The following FLG variants were observed in gnomAD, a reference collection of about 807,000 sequenced individuals.
FLG encodes epidermal filaggrin.
Under a neutral mutation model 3.8 loss-of-function variants are expected in FLG, and 6 were observed. The ratio of observed to expected loss-of-function variants is 1.60; its 90% CI spans 0.87 to 3.15. FLG has a LOEUF of 3.15. Among genes scored for constraint, FLG ranks in the 30% most tolerant of loss-of-function variants. The pLI, the probability that FLG is intolerant of heterozygous loss-of-function variation, is 0.00. For missense variants in FLG, 7,595 were observed against 5,050.9 expected (o/e 1.50, Z -15.27); for synonymous variants, 2,551 against 1,931.6 (o/e 1.32, Z -8.41).
rs778398636 is a variant in FLG at position 152,307,294 on chromosome 1, C to A, written c.7592G>T (p.Gly2531Val). ...AGAGGAAGCTTCATGGTGACGCGAC[C>A]CTGAGTGCCTGGAGCCGTCTCCTGA... ...EQSGDGSRHSGSRHHEASSRA... is the reference protein window; with the variant it reads ...EQSGDGSRHSVSRHHEASSRA... The change falls in exon 3 of 3, where the codon GGG becomes GTG. Residue 2531 changes from glycine (G) to valine (V), a missense_variant. By Grantham distance (109) the Gly-to-Val change is moderately radical (BLOSUM62 -3). Transcript: ENST00000368799. The A allele has an allele frequency of 2.5e-6, 4 of 1,613,262 alleles. No homozygotes were observed. The highest frequency in any genetic ancestry group is 1.6e-4 in the Middle Eastern group (1 of 6,062).
rs1421247871 is a variant in FLG at position 152,314,133 on chromosome 1, T to C, written c.753A>G (p.Leu251=). 12 of 1,614,070 alleles carry C rather than the reference T, an allele frequency of 7.4e-6. No homozygotes were observed. Among genetic ancestry groups the C allele is most frequent in the African/African-American group, 1.3e-5 (1 of 74,936 alleles). ...DEAYDTTDSL[L]EENKIYERSR... is the part of the protein sequence containing the mutation. ...ATCTTTCATATATTTTGTTTTCTTC[T>C]AATAGACTATCAGTGGTGTCATAGG... Residue 251 remains leucine, a synonymous_variant, in exon 3 of 3, where the codon TTA becomes TTG. Transcript: ENST00000368799.
At position 152,311,334 on chromosome 1, in the gene FLG, C is replaced by T. The variant is rs142634333; in HGVS notation, c.3552G>A (p.Ser1184=). Residue 1184 remains serine (S), a synonymous_variant, in exon 3 of 3, where the codon TCG becomes TCA. Transcript: ENST00000368799. ...GGRQGSHHEQ[S]VDRSGHSGSH... ...ACCCTGAGTGTCCAGATCTATCTAC[C>T]GATTGCTCATGGTGGGATCCCTGCC... The T allele has an allele frequency of 3.7e-5, 60 of 1,613,602 alleles. No individual in the cohort carries two copies. Among genetic ancestry groups the T allele is most frequent in the African/African-American group, 1.2e-4 (9 of 74,746 alleles).
chr1:152,310,436 C>A lies in FLG; in HGVS notation c.4450G>T (p.Asp1484Tyr), dbSNP rs1251272412. 6.8e-6 allele frequency: 11 copies of A among 1,613,360 alleles called. No homozygotes were observed. Among genetic ancestry groups the A allele is most frequent in the African/African-American group, 2.7e-5 (2 of 74,714 alleles). The change falls in exon 3 of 3, where the codon GAC becomes TAC. Residue 1484 changes from aspartate to tyrosine, a missense_variant. Physicochemically the swap from Asp to Tyr is radical, Grantham distance 160 (BLOSUM62 -3). Transcript: ENST00000368799. ...RNSSRHSASQDGQDTIRGHPG... is the reference protein window; with the variant it reads ...RNSSRHSASQYGQDTIRGHPG... ...TGTCCACGAATGGTGTCCTGACCGT[C>A]TTGGGATGCTGAGTGCCTAGAGCTG...
In FLG at chr1:152,311,659, C is replaced by T. The variant is rs776330929; in HGVS notation, c.3227G>A (p.Gly1076Glu). The change falls in exon 3 of 3, where the codon GGA becomes GAA. Residue 1076 changes from glycine to glutamate, a missense_variant. Physicochemically the swap from Gly to Glu is moderately conservative, Grantham distance 98. Coordinates refer to ENST00000368799, the MANE Select transcript of FLG (RefSeq NM_002016.2). ...CTGTGTGTCTGACTCCTCTGAATGT[C>T]CCTCACTATCACTGGCCTGACTACC... ...SSGSQASDSE[G>E]HSEESDTQSV... is the part of the protein sequence containing the mutation. 5.6e-6 allele frequency: 9 copies of T among 1,614,162 alleles called. No individual in the cohort carries two copies. The Admixed American group carries it at 8.3e-5, about 15-fold the overall frequency.
At position 152,307,951 on chromosome 1, in the gene FLG, C is replaced by T; in HGVS notation, c.6935G>A (p.Gly2312Asp). The stretch of plus-strand genomic sequence containing the variant: ...TTCATGGGATGATGCAGCCTGTCCA[C>T]CAGAGGAATTCTCTGCATGATGAGT... ...SGTHHAENSS[G>D]GQAASSHEQA... Residue 2312 changes from glycine (G) to aspartate (D), a missense_variant, in exon 3 of 3, where the codon GGT (glycine) becomes GAT (aspartate). Coordinates refer to ENST00000368799, the MANE Select transcript of FLG (RefSeq NM_002016.2). The T allele has an allele frequency of 6.2e-7, 1 of 1,614,124 alleles. No individual in the cohort carries two copies. Among genetic ancestry groups the T allele is most frequent in the Non-Finnish European group, 8.5e-7 (1 of 1,180,040 alleles).
In FLG at chr1:152,303,618, G is replaced by A. The variant is rs1651738017; in HGVS notation, c.11268C>T (p.Asp3756=). 1 of 1,613,856 alleles carries A rather than the reference G, an allele frequency of 6.2e-7. No homozygotes were observed. The highest frequency in any genetic ancestry group is 2.2e-5 in the East Asian group (1 of 44,856). ...TTGACCCCGGGTGTCCACGAATGGT[G>A]TCCTGACCCTCTTGGGACGCTGAGT... The part of the protein sequence containing the change: ...SRHSASQEGQ[D]TIRGHPGSRR... The change falls in exon 3 of 3, where the codon GAC becomes GAT. Residue 3756 remains aspartate, a synonymous_variant. Transcript: ENST00000368799.
chr1:152,311,185 C>T lies in FLG; in HGVS notation c.3701G>A (p.Gly1234Glu), dbSNP rs745887774. ...AGAGGCAGCTTCATGGTGACGTGAC[C>T]CTGAGTGCCTGGAGCCGTCTCCTGA... ...KQSGDGSRHS[G>E]SRHHEAASWA... Residue 1234 changes from glycine (G) to glutamate (E), a missense_variant, in exon 3 of 3, where the codon GGG becomes GAG. Physicochemically the swap from Gly to Glu is moderately conservative, Grantham distance 98. Coordinates refer to ENST00000368799, the MANE Select transcript of FLG (RefSeq NM_002016.2). 1 of 1,613,646 alleles carries T rather than the reference C, an allele frequency of 6.2e-7. No homozygotes were observed. The highest frequency in any genetic ancestry group is 1.7e-5 in the Admixed American group (1 of 59,978).
In FLG at chr1:152,309,320, G is replaced by T. The variant is rs144236267; in HGVS notation, c.5566C>A (p.Arg1856Ser). Residue 1856 changes from arginine (R) to serine (S), a missense_variant, in exon 3 of 3, where the codon CGT (arginine) becomes AGT (serine). Arg to Ser is a moderately radical substitution (Grantham distance 110). Coordinates refer to ENST00000368799, the MANE Select transcript of FLG (RefSeq NM_002016.2). Reference protein sequence around the residue: ...TTSQERSDVSRGQSGSRSVSR... With the variant: ...TTSQERSDVSSGQSGSRSVSR... Reference sequence around the variant, plus strand: ...ACACTTCTGGATCCTGACTGCCCACGGGAGACATCAGACCTTTCCTGGGAC... The same window carrying T: ...ACACTTCTGGATCCTGACTGCCCACTGGAGACATCAGACCTTTCCTGGGAC... The T allele has an allele frequency of 2.5e-6, 4 of 1,613,828 alleles. No individual in the cohort carries two copies. Among genetic ancestry groups the T allele is most frequent in the African/African-American group, 1.3e-5 (1 of 74,912 alleles).
chr1:152,311,179 C>T lies in FLG; in HGVS notation c.3707G>A (p.Arg1236His), dbSNP rs201976711. 1.3e-4 allele frequency: 205 copies of T among 1,613,618 alleles called. No individual in the cohort carries two copies. The highest frequency in any genetic ancestry group is 3.3e-4 in the African/African-American group (25 of 74,776). ...SGDGSRHSGS[R>H]HHEAASWADS... Reference sequence around the variant, plus strand: ...AGCCCAAGAGGCAGCTTCATGGTGACGTGACCCTGAGTGCCTGGAGCCGTC... The same window carrying T: ...AGCCCAAGAGGCAGCTTCATGGTGATGTGACCCTGAGTGCCTGGAGCCGTC... Residue 1236 changes from arginine (R) to histidine (H), a missense_variant, in exon 3 of 3, where the codon CGT (arginine) becomes CAT (histidine). Physicochemically the swap from Arg to His is conservative, Grantham distance 29. Coordinates refer to ENST00000368799, the MANE Select transcript of FLG (RefSeq NM_002016.2).
At position 152,303,786 on chromosome 1, in the gene FLG, T is replaced by A; in HGVS notation, c.11100A>T (p.Ser3700=). ...ACCCTGAACGTCCAGACCTTCCTGC[T>A]GACCGGCCACGTGTGGACTCTTGGT... ...QSHQESTRGR[S]AGRSGRSGSF... is the part of the protein sequence containing the mutation. Residue 3700 remains serine (S), a synonymous_variant, in exon 3 of 3, where the codon TCA becomes TCT. Coordinates refer to ENST00000368799, the MANE Select transcript of FLG (RefSeq NM_002016.2). 6.2e-7 allele frequency: 1 copy of A among 1,613,640 alleles called. No homozygotes were observed. The highest frequency in any genetic ancestry group is 1.1e-5 in the South Asian group (1 of 90,998).
At position 152,310,763 on chromosome 1, in the gene FLG, G is replaced by A. The variant is rs772994159; in HGVS notation, c.4123C>T (p.His1375Tyr). 4 of 1,613,956 alleles carry A rather than the reference G, an allele frequency of 2.5e-6. No individual in the cohort carries two copies. The highest frequency in any genetic ancestry group is 1.7e-4 in the Middle Eastern group (1 of 6,060). ...CTGACTGCAGATGAAGCTTGTCTGTGCCCAATGCCTGAGTGTCTGGAGCTG... is the reference window on the plus strand; with the variant it reads ...CTGACTGCAGATGAAGCTTGTCTGTACCCAATGCCTGAGTGTCTGGAGCTG... ...ADSSRHSGIG[H>Y]RQASSAVRDS... The change falls in exon 3 of 3, where the codon CAC becomes TAC. Residue 1375 changes from histidine (H) to tyrosine (Y), a missense_variant. By Grantham distance (83) the His-to-Tyr change is moderately conservative (BLOSUM62 2). Coordinates refer to ENST00000368799, the MANE Select transcript of FLG (RefSeq NM_002016.2).
chr1:152,309,879 G>A lies in FLG; in HGVS notation c.5007C>T (p.Ser1669=). Residue 1669 remains serine (S), a synonymous_variant, in exon 3 of 3, where the codon TCC becomes TCT. Transcript: ENST00000368799. The part of the protein sequence containing the change: ...ETSSGGQAAS[S]QEQARSSPGE... ...CTGGACTTGACCTTGCCTGTTCCTG[G>A]GATGATGCAGCCTGTCCACCAGAGG... is the stretch of plus-strand genomic sequence containing the variant. The A allele has an allele frequency of 3.7e-6, 6 of 1,613,972 alleles. No individual in the cohort carries two copies. Among genetic ancestry groups the A allele is most frequent in the Non-Finnish European group, 5.1e-6 (6 of 1,179,996 alleles).
chr1:152,303,040 C>A lies in FLG; in HGVS notation c.11846G>T (p.Ser3949Ile), dbSNP rs1470596800. The A allele has an allele frequency of 3.1e-6, 5 of 1,614,182 alleles. No homozygotes were observed. Among genetic ancestry groups the A allele is most frequent in the Non-Finnish European group, 4.2e-6 (5 of 1,180,038 alleles). The part of the protein sequence containing the change: ...AYHSGIQSRG[S>I]PHSSSSYHYQ... ...ATGATAAGAACTAGAACTGTGAGGA[C>A]TGCCACGTGACTGTATTCCTGAGTG... The change falls in exon 3 of 3, where the codon AGT becomes ATT. Residue 3949 changes from serine to isoleucine, a missense_variant. Coordinates refer to ENST00000368799, the MANE Select transcript of FLG (RefSeq NM_002016.2).
rs551888992 is a variant in FLG at position 152,308,970 on chromosome 1, G to C, written c.5916C>G (p.Asp1972Glu). The C allele has an allele frequency of 8.7e-6, 14 of 1,614,034 alleles. No individual in the cohort carries two copies. The highest frequency in any genetic ancestry group is 1.7e-5 in the Admixed American group (1 of 60,004). ...EDRAGHGHSA[D>E]SSRQSGTRHT... ...GACGAGTGCCTGATTGTCTGGAGCTGTCTGCAGAGTGCCCGTGACCGGCTC... is the reference window on the plus strand; with the variant it reads ...GACGAGTGCCTGATTGTCTGGAGCTCTCTGCAGAGTGCCCGTGACCGGCTC... Residue 1972 changes from aspartate to glutamate, a missense_variant, in exon 3 of 3, where the codon GAC becomes GAG. Transcript: ENST00000368799.
In FLG at chr1:152,303,623, G is replaced by C; in HGVS notation, c.11263C>G (p.Gln3755Glu). 1.9e-6 allele frequency: 3 copies of C among 1,613,738 alleles called. No homozygotes were observed. The highest frequency in any genetic ancestry group is 2.5e-6 in the Non-Finnish European group (3 of 1,179,886). ...SSRHSASQEG[Q>E]DTIRGHPGSR... is the part of the protein sequence containing the mutation. ...CCCGGGTGTCCACGAATGGTGTCCT[G>C]ACCCTCTTGGGACGCTGAGTGCCTG... is the stretch of plus-strand genomic sequence containing the variant. The change falls in exon 3 of 3, where the codon CAG (glutamine) becomes GAG (glutamate). Residue 3755 changes from glutamine (Q) to glutamate (E), a missense_variant. Gln to Glu is a conservative substitution (Grantham distance 29). Transcript: ENST00000368799.
chr1:152,305,130 T>C lies in FLG; in HGVS notation c.9756A>G (p.Arg3252=), dbSNP rs1273544000. The C allele has an allele frequency of 3.7e-6, 6 of 1,613,770 alleles. No individual in the cohort carries two copies. The African/African-American group carries it at 5.3e-5, about 14-fold the overall frequency. The part of the protein sequence containing the change: ...SVQEQSRHGS[R]HPRSHHEDRA... ...TGTCTTCGTGATGGGACCTGGGGTG[T>C]CTGGAGCCGTGCCTTGACTGCTCCT... The change falls in exon 3 of 3, where the codon AGA becomes AGG. Residue 3252 remains arginine (R), a synonymous_variant. Transcript: ENST00000368799.
At chr1:152,320,575 C>T (rs983229501) in intron 1 of FLG, among the ~76,000 whole-genome samples, 10 of 150,804 alleles carry the variant, frequency 6.6e-5, no homozygotes, top group South Asian at 2.1e-4. Flanking sequence ...AAATAAAAAT[C>T]GACAGAAGTA....
In FLG at chr1:152,312,234, A is replaced by G; in HGVS notation, c.2652T>C (p.Arg884=). 1 of 1,613,746 alleles carries G rather than the reference A, an allele frequency of 6.2e-7. No homozygotes were observed. Among genetic ancestry groups the G allele is most frequent in the South Asian group, 1.1e-5 (1 of 91,050 alleles). Residue 884 remains arginine (R), a synonymous_variant, in exon 3 of 3, where the codon CGT becomes CGC. Transcript: ENST00000368799. ...TTGCACTTCTGGATCCTGACTGCCC[A>G]CGGGAGGCATCAGACCTTCCCTGGG... The part of the protein sequence containing the change: ...TTSQGRSDAS[R]GQSGSRSASR...
At position 152,309,545 on chromosome 1, in the gene FLG, G is replaced by T. The variant is rs201021216; in HGVS notation, c.5341C>A (p.Arg1781Ser). ...CTTCCTCCAGTGCTGGGCCCTGTGC[G>T]TCCATGGGCGGACTCAGACTGTTCA... The part of the protein sequence containing the change: ...THEQSESAHG[R>S]TGPSTGGRQR... The change falls in exon 3 of 3, where the codon CGC (arginine) becomes AGC (serine). Residue 1781 changes from arginine to serine, a missense_variant. Arg to Ser is a moderately radical substitution (Grantham distance 110). Coordinates refer to ENST00000368799, the MANE Select transcript of FLG (RefSeq NM_002016.2). The T allele has an allele frequency of 6.2e-7, 1 of 1,613,886 alleles. No homozygotes were observed. Among genetic ancestry groups the T allele is most frequent in the Non-Finnish European group, 8.5e-7 (1 of 1,179,986 alleles).
Sources: gnomAD v4.1 joint callset for allele counts (sites outside exome capture counted in the v4.1 genomes callset) on GRCh38, gnomAD v4.1.1 for gene constraint, MANE v1.5 for transcripts, NCBI Gene and HGNC (gene_info 2026-07-23, HGNC 2026-07-21) for gene names.